CCDC146: variants seen among roughly 807,000 people sequenced by gnomAD.
CCDC146 encodes the protein coiled-coil domain-containing protein 146.
Under a neutral mutation model 119.3 loss-of-function variants are expected in CCDC146, and 92 were observed. That is an observed-to-expected ratio of 0.77 (90% CI 0.65 to 0.92). The LOEUF (loss-of-function observed/expected upper bound fraction) is 0.92, where lower values mean the gene tolerates loss of function less well. CCDC146 is among the 40% of genes least tolerant of loss of function. The pLI is 0.00. For synonymous variants in CCDC146, 372 were observed against 371.8 expected, an observed-to-expected ratio of 1.00 and a Z score of -0.01; for missense variants, 1,000 against 1,103.0, an observed-to-expected ratio of 0.91 and a Z score of 1.32.
intron 1 of CCDC146, among the ~76,000 whole-genome samples, chr7:77,131,564 A>G (rs1403967473): frequency 1.3e-5 from 2 of 152,040 alleles, no homozygotes; most frequent in Non-Finnish European, 2.9e-5. Context: ...CTAAAAATAC[A>G]AAGATTACCC....
At chr7:77,229,467 T>C (rs1792578053) in intron 2 of CCDC146, among the ~76,000 whole-genome samples, 1 of 152,240 alleles carries the variant, frequency 6.6e-6, no homozygotes, top group Non-Finnish European at 1.5e-5. Flanking sequence ...CATTTAAGTC[T>C]TTAATCCATC....
intron 1 of CCDC146, among the ~76,000 whole-genome samples, chr7:77,151,283 G>T (rs1791105143): frequency 1.3e-5 from 2 of 152,014 alleles, no homozygotes; most frequent in South Asian, 4.1e-4. Context: ...TATGAATATT[G>T]GGGCAGGGGA....
intron 4 of CCDC146, among the ~76,000 whole-genome samples, chr7:77,254,166 C>G (rs1793132922): frequency 6.6e-6 from 1 of 152,172 alleles, no homozygotes; most frequent in Non-Finnish European, 1.5e-5. Context: ...AGCAGGAATC[C>G]AGGCAGGCAC....
At position 77,196,654 on chromosome 7, in the gene CCDC146, C is replaced by A; in HGVS notation, c.156+28830C>A. The A allele has an allele frequency of 1.9e-6, 3 of 1,614,090 alleles. No homozygotes were observed. The highest frequency in any genetic ancestry group is 1.1e-5 in the South Asian group (1 of 91,088). On this transcript the variant is annotated intron_variant, in intron 2 of 18. Transcript: ENST00000285871. The surrounding 1 kb of genome is among the most constrained non-coding windows in gnomAD (Gnocchi z 4.2). ...CATTAGCCACATAAAACTGATCATA[C>A]AAGGCATATAGTTCGACACCATTAA...
At chr7:77,140,019 C>G (rs1485680575) in intron 1 of CCDC146, among the ~76,000 whole-genome samples, 1 of 151,990 alleles carries the variant, frequency 6.6e-6, no homozygotes, top group Non-Finnish European at 1.5e-5. Flanking sequence ...CTCAGCCTCC[C>G]CAGTAGCTGG....
chr7:77,149,346 G>A lies in CCDC146; in HGVS notation c.-11-18312G>A, dbSNP rs559375921. ...ATTAACTTAAGATGGATTAAAGACC[G>A]TCAGCTTTTTAAAAATAGAAATTGA... On this transcript the variant is annotated intron_variant, in intron 1 of 18. Transcript: ENST00000285871. Among the ~76,000 whole-genome samples, 7 of 152,076 alleles carry A rather than the reference G, an allele frequency of 4.6e-5. No homozygotes were observed. The East Asian group carries it at 9.6e-4, about 21-fold the overall frequency.
rs1410881393 is a variant in CCDC146 at position 77,228,805 on chromosome 7, C to T, written c.157-8142C>T. On this transcript the variant is annotated intron_variant, in intron 2 of 18. Coordinates refer to ENST00000285871, the MANE Select transcript of CCDC146 (RefSeq NM_020879.3). ...ATAAGCATTCCTTTTTCTCCACAAC[C>T]TCAGCAACATCTGTTATTTTTTGAC... is the stretch of plus-strand genomic sequence containing the variant. 1.3e-5 allele frequency among the ~76,000 whole-genome samples: 2 copies of T among 152,180 alleles called. 1 individual carries two copies. Among genetic ancestry groups the T allele is most frequent in the Middle Eastern group, 6.3e-3 (2 of 316 alleles).
At chr7:77,202,763 G>A (rs1792016311) in intron 2 of CCDC146, among the ~76,000 whole-genome samples, 1 of 152,198 alleles carries the variant, frequency 6.6e-6, no homozygotes, top group African/African-American at 2.4e-5. Flanking sequence ...ACTTGCAGAT[G>A]AGCAAAGAAA....
At position 77,196,476 on chromosome 7, in the gene CCDC146, A is replaced by G; in HGVS notation, c.156+28652A>G. ...GCATCAAACCACCAGCCTGAACTGT[A>G]GTACAGCCCACAGTTCCCAGAAGGA... On this transcript the variant is annotated intron_variant, in intron 2 of 18. Transcript: ENST00000285871. The surrounding 1 kb of genome is among the most constrained non-coding windows in gnomAD (Gnocchi z 4.2). 1 of 1,614,148 alleles carries G rather than the reference A, an allele frequency of 6.2e-7. No individual in the cohort carries two copies. The highest frequency in any genetic ancestry group is 1.1e-5 in the South Asian group (1 of 91,082).
intron 1 of CCDC146, among the ~76,000 whole-genome samples, chr7:77,143,972 TG>T (rs1427896108): frequency 6.6e-6 from 1 of 151,854 alleles, no homozygotes; most frequent in Non-Finnish European, 1.5e-5. Context: ...GGTAGCTTGA[TG>T]GGGATGGCAT....
chr7:77,286,440 A>C (rs1215048467), intron 15 of CCDC146, among the ~76,000 whole-genome samples: 1 of 152,160 alleles, frequency 6.6e-6, no homozygotes, highest in African/African-American at 2.4e-5. Flanking sequence ...GGAGGGGGAC[A>C]CATCGAAACC....
intron 2 of CCDC146, among the ~76,000 whole-genome samples, chr7:77,211,665 G>A (rs1792186970): frequency 6.6e-6 from 1 of 151,786 alleles, no homozygotes; most frequent in Non-Finnish European, 1.5e-5. Flanking sequence ...ACCCAGGCTG[G>A]AGTGCAGTGG....
chr7:77,231,053 G>C (rs564483177), intron 2 of CCDC146, among the ~76,000 whole-genome samples: 1 of 152,186 alleles, frequency 6.6e-6, no homozygotes, highest in Admixed American at 6.5e-5. Flanking sequence ...GCTATTCTGA[G>C]TAGTGTGATA....
chr7:77,252,911 C>G (rs1286291517), intron 4 of CCDC146, among the ~76,000 whole-genome samples: 2 of 152,180 alleles, frequency 1.3e-5, no homozygotes, highest in Admixed American at 1.3e-4. Context: ...CTTCCACTCA[C>G]CTTCCTTGGG....
chr7:77,251,456 C>T (rs1250223306), intron 4 of CCDC146, among the ~76,000 whole-genome samples: 1 of 152,146 alleles, frequency 6.6e-6, no homozygotes, highest in Non-Finnish European at 1.5e-5. Flanking sequence ...TTCACACATC[C>T]CTGCCATATC....
intron 5 of CCDC146, among the ~76,000 whole-genome samples, chr7:77,256,033 C>A (rs560917755): frequency 4.5e-4 from 69 of 152,050 alleles, no homozygotes; most frequent in Admixed American, 1.8e-3. Context: ...TAAAAATTGA[C>A]ACATAAAATG....
chr7:77,126,665 A>C lies in CCDC146; in HGVS notation c.-12+3933A>C, dbSNP rs182091392. ...GCAGGTTGTCTCTGAAGCTCTCGGC[A>C]GAGACGGTAGCTCCTTTCTGCAGCT... On this transcript the variant is annotated intron_variant, in intron 1 of 18. Transcript: ENST00000285871. 3.8e-3 allele frequency among the ~76,000 whole-genome samples: 581 copies of C among 152,126 alleles called. 10 individuals carry two copies. Among genetic ancestry groups the C allele is most frequent in the African/African-American group, 0.013 (542 of 41,424 alleles).
chr7:77,247,799 G>A (rs1200645827), intron 4 of CCDC146, among the ~76,000 whole-genome samples: 2 of 152,114 alleles, frequency 1.3e-5, no homozygotes, highest in Non-Finnish European at 2.9e-5. Context: ...AGATGTTGGC[G>A]GAGTGCTGAG....
intron 10 of CCDC146, among the ~76,000 whole-genome samples, chr7:77,274,276 CT>C: frequency 6.6e-6 from 1 of 152,054 alleles, no homozygotes; most frequent in East Asian, 1.9e-4. Flanking sequence ...TGCTATGTTG[CT>C]CAGGCTGGTC....
Sources: gnomAD v4.1 joint callset for allele counts (sites outside exome capture counted in the v4.1 genomes callset) on GRCh38, gnomAD v4.1.1 for gene constraint, Gnocchi (gnomAD v3.1) non-coding constraint, MANE v1.5 for transcripts, NCBI Gene and HGNC (gene_info 2026-07-23, HGNC 2026-07-21) for gene names.